PLA2G12B: variants seen among roughly 807,000 people sequenced by gnomAD.
The protein encoded by PLA2G12B is phospholipase A2 group XIIB.
Under a neutral mutation model 22.3 loss-of-function variants are expected in PLA2G12B, and 19 were observed. That is an observed-to-expected ratio of 0.85 (90% CI 0.60 to 1.25). PLA2G12B has a LOEUF of 1.25. PLA2G12B is among the 50% of genes most tolerant of loss of function. The pLI is 0.00. For missense variants in PLA2G12B, 191 were observed against 246.6 expected (o/e 0.77, Z 1.51); for synonymous variants, 81 against 94.9 (o/e 0.85, Z 0.85).
At chr10:72,943,600 TTC>T (rs1846395182) in intron 1 of PLA2G12B, among the ~76,000 whole-genome samples, 1 of 152,316 alleles carries the variant, frequency 6.6e-6, no homozygotes, top group African/African-American at 2.4e-5. Context: ...AGCTTTGAAT[TTC>T]TGTTTTTTAA....
intron 1 of PLA2G12B, among the ~76,000 whole-genome samples, chr10:72,950,991 G>A (rs1846522029): frequency 6.6e-6 from 1 of 152,114 alleles, no homozygotes; most frequent in South Asian, 2.1e-4. Context: ...GGATTTCTGG[G>A]ATTTTTCATT....
chr10:72,945,674 A>G (rs939685441), intron 1 of PLA2G12B, among the ~76,000 whole-genome samples: 5 of 151,348 alleles, frequency 3.3e-5, no homozygotes, highest in African/African-American at 1.2e-4. Flanking sequence ...TTCAGATGGA[A>G]TCTCGCTCTG....
chr10:72,949,028 C>G (rs552875626), intron 1 of PLA2G12B, among the ~76,000 whole-genome samples: 1 of 152,120 alleles, frequency 6.6e-6, no homozygotes, highest in Non-Finnish European at 1.5e-5. Flanking sequence ...TTTGCCTTCC[C>G]GGGAGGGTGC....
chr10:72,942,480 G>A (rs1019416213), intron 2 of PLA2G12B, among the ~76,000 whole-genome samples, 172 bp downstream of exon 2: 1 of 152,140 alleles, frequency 6.6e-6, no homozygotes, highest in East Asian at 1.9e-4. Context: ...CTGTCCCTGA[G>A]AAAAGGAAAT....
In PLA2G12B at chr10:72,941,228, C is replaced by A. The variant is rs907997629; in HGVS notation, c.407G>T (p.Cys136Phe). Residue 136 changes from cysteine (C) to phenylalanine (F), a missense_variant, in exon 3 of 4, where the codon TGT becomes TTT. Transcript: ENST00000373032. ...AAGGTCAGAGCAGATCGAGTGGAGA[C>A]ACCATCGGAATTTTGCATCACAGCG... is the stretch of plus-strand genomic sequence containing the variant. The part of the protein sequence containing the change: ...KYRCDAKFRW[C>F]LHSICSDLKR... 5 of 1,614,124 alleles carry A rather than the reference C, an allele frequency of 3.1e-6. No individual in the cohort carries two copies. The highest frequency in any genetic ancestry group is 1.1e-5 in the South Asian group (1 of 91,072).
rs1163450230 is a variant in PLA2G12B at position 72,936,280 on chromosome 10, A to G, written c.467-542T>C. On this transcript the variant is annotated intron_variant, in intron 3 of 3. Coordinates refer to ENST00000373032, the MANE Select transcript of PLA2G12B (RefSeq NM_032562.5). ...GATAAAGAGGTGGACAGGTAAACAG[A>G]TAGCTACACTACCTCATGATGAAAA... Among the ~76,000 whole-genome samples, 3 of 152,332 alleles carry G rather than the reference A, an allele frequency of 2.0e-5. No homozygotes were observed. In the East Asian group the frequency reaches 5.8e-4, roughly 29 times the overall value.
At chr10:72,944,093 CTT>C (rs1846404437) in intron 1 of PLA2G12B, among the ~76,000 whole-genome samples, 1 of 149,820 alleles carries the variant, frequency 6.7e-6, no homozygotes, top group African/African-American at 2.4e-5. Context: ...TTTCTTCTTT[CTT>C]TCTTTCTCCT....
intron 1 of PLA2G12B, among the ~76,000 whole-genome samples, chr10:72,951,458 T>A (rs1369337355): frequency 6.9e-6 from 1 of 145,368 alleles, no homozygotes; most frequent in Non-Finnish European, 1.5e-5. Context: ...ACTCCTTTTT[T>A]TTTTTTTTTT....
intron 1 of PLA2G12B, among the ~76,000 whole-genome samples, chr10:72,948,075 C>G (rs1846471395): frequency 6.6e-6 from 1 of 152,136 alleles, no homozygotes; most frequent in South Asian, 2.1e-4. Context: ...GGGGTTTCAC[C>G]ATGTTGTTCA....
At chr10:72,938,637 T>C (rs1459740221) in intron 3 of PLA2G12B, among the ~76,000 whole-genome samples, 1 of 152,166 alleles carries the variant, frequency 6.6e-6, no homozygotes, top group Admixed American at 6.5e-5. Flanking sequence ...AGTCCAAGAT[T>C]TGTACTGTGA....
intron 3 of PLA2G12B, among the ~76,000 whole-genome samples, chr10:72,939,212 G>A (rs1486055303): frequency 6.6e-6 from 1 of 152,180 alleles, no homozygotes; most frequent in Non-Finnish European, 1.5e-5. Context: ...TTAAGTGGGT[G>A]AATTGTATCA....
In PLA2G12B at chr10:72,953,589, G is replaced by A. The variant is rs187465707; in HGVS notation, c.211+886C>T. 3.1e-3 allele frequency among the ~76,000 whole-genome samples: 469 copies of A among 152,254 alleles called. 3 individuals are homozygous for A. The highest frequency in any genetic ancestry group is 0.011 in the African/African-American group (442 of 41,566). On this transcript the variant is annotated intron_variant, in intron 1 of 3. Coordinates refer to ENST00000373032, the MANE Select transcript of PLA2G12B (RefSeq NM_032562.5). ...TGAGACTGTGCATGCTTTGGAAAAC[G>A]TTTTCATGCGCATTGGCAATTACAC...
Position 72,935,446 on chromosome 10 carries a change from TCC to T in PLA2G12B, c.*169_*170del. On this transcript the variant is annotated 3_prime_UTR_variant, in exon 4 of 4. Transcript: ENST00000373032. ...ACCACTCCATGTCTTTTTTCAAATT[TCC>T]TCAAAGGATAGGACTCACTTTCCAG... The T allele has an allele frequency of 1.0e-6, 1 of 969,360 alleles. No homozygotes were observed. The highest frequency in any genetic ancestry group is 1.6e-5 in the African/African-American group (1 of 60,666). 60.0% of individuals were successfully genotyped at this position (969,360 alleles called of 1,614,324 possible).
chr10:72,942,529 T>C (rs1283679170), intron 2 of PLA2G12B, 123 bp downstream of exon 2: 5 of 751,330 alleles, frequency 6.7e-6, no homozygotes, highest in Non-Finnish European at 1.0e-5. Flanking sequence ...TCATATCCAA[T>C]TTAAAATACT....
Position 72,942,725 on chromosome 10 carries a change from G to C in PLA2G12B, c.227C>G (p.Pro76Arg), listed in dbSNP as rs768594562. The change falls in exon 2 of 4, where the codon CCC becomes CGC. Residue 76 changes from proline to arginine, a missense_variant. By Grantham distance (103) the Pro-to-Arg change is moderately radical. Transcript: ENST00000373032. The stretch of plus-strand genomic sequence containing the variant: ...CTCTTGGGGCTTGTAGCCAGGTCTG[G>C]GCATTGGTGCCTTTCCTTGCAGGAG... ...YRCRYGKAPM[P>R]RPGYKPQEPN... is the part of the protein sequence containing the mutation. The C allele has an allele frequency of 6.2e-7, 1 of 1,603,382 alleles. No individual in the cohort carries two copies. The highest frequency in any genetic ancestry group is 8.5e-7 in the Non-Finnish European group (1 of 1,174,564).
At chr10:72,939,925 A>G (rs761016135) in intron 3 of PLA2G12B, among the ~76,000 whole-genome samples, 7 of 152,240 alleles carry the variant, frequency 4.6e-5, no homozygotes, top group Non-Finnish European at 7.3e-5. Flanking sequence ...AATGGTGACT[A>G]TCAATTAGAT....
rs1846594542 is a variant in PLA2G12B at position 72,954,782 on chromosome 10, G to A, written c.-97C>T. The A allele has an allele frequency of 9.6e-6, 12 of 1,254,142 alleles. No individual in the cohort carries two copies. The South Asian group carries it at 1.5e-4, about 15-fold the overall frequency. The allele number at this position is 1,254,142 out of a possible 1,614,324, so 77.7% of individuals were successfully genotyped here. ...CCCTACCCAGATGTCAGGCAGGACT[G>A]GGAAAGGGATTATCTGGAACATTCA... On this transcript the variant is annotated 5_prime_UTR_variant, in exon 1 of 4. Transcript: ENST00000373032.
chr10:72,946,368 A>G (rs2132975592), intron 1 of PLA2G12B, among the ~76,000 whole-genome samples: 1 of 152,314 alleles, frequency 6.6e-6, no homozygotes, highest in East Asian at 1.9e-4. Context: ...GTTAATAGAC[A>G]TTTGGGTTGT....
intron 1 of PLA2G12B, among the ~76,000 whole-genome samples, chr10:72,948,237 G>A (rs986624584): frequency 3.3e-5 from 5 of 152,100 alleles, no homozygotes; most frequent in African/African-American, 9.7e-5. Flanking sequence ...GACTTGGCTC[G>A]GTTTCTTGGG....
Sources: gnomAD v4.1 joint callset for allele counts (sites outside exome capture counted in the v4.1 genomes callset) on GRCh38, gnomAD v4.1.1 for gene constraint, MANE v1.5 for transcripts, NCBI Gene and HGNC (gene_info 2026-07-23, HGNC 2026-07-21) for gene names.